The following VEPH1 variants were observed in gnomAD, a reference collection of about 807,000 sequenced individuals.
VEPH1 encodes ventricular zone expressed PH domain containing 1.
Under a neutral mutation model 85.2 loss-of-function variants are expected in VEPH1, and 80 were observed. That is an observed-to-expected ratio of 0.94 (90% CI 0.78 to 1.13). The LOEUF is 1.13. Among genes scored for constraint, VEPH1 ranks in the 50% most tolerant of loss-of-function variants. VEPH1 has a pLI of 0.00. For synonymous variants in VEPH1, 297 were observed against 348.0 expected (o/e 0.85, Z 1.63); for missense variants, 955 against 980.5 (o/e 0.97, Z 0.35).
chr3:157,267,257 G>A lies in VEPH1; in HGVS notation c.2129-1595C>T, dbSNP rs191681693. Among the ~76,000 whole-genome samples, 177 of 151,132 alleles carry A rather than the reference G, an allele frequency of 1.2e-3. 3 individuals are homozygous for A. In the South Asian group the frequency reaches 0.021, roughly 18 times the overall value. Reference sequence around the variant, plus strand: ...ACTACAGGTATTCGCCACCACGCTCGGCTAAATTTTTGTATTTTTAGTAGA... The same window carrying A: ...ACTACAGGTATTCGCCACCACGCTCAGCTAAATTTTTGTATTTTTAGTAGA... On this transcript the variant is annotated intron_variant, in intron 12 of 13. Coordinates refer to ENST00000362010, the MANE Select transcript of VEPH1 (RefSeq NM_001167912.2).
chr3:157,378,187 G>A (rs1272929724), intron 7 of VEPH1, among the ~76,000 whole-genome samples: 1 of 151,838 alleles, frequency 6.6e-6, no homozygotes, highest in African/African-American at 2.4e-5. Flanking sequence ...GCGACTTTGT[G>A]GGTGCATATA....
chr3:157,309,392 C>T (rs1424235910), intron 11 of VEPH1, among the ~76,000 whole-genome samples: 1 of 152,180 alleles, frequency 6.6e-6, no homozygotes, highest in Non-Finnish European at 1.5e-5. Context: ...ATAGTGCTCA[C>T]TCACTTTGTT....
intron 6 of VEPH1, among the ~76,000 whole-genome samples, chr3:157,399,167 C>T (rs1008839987): frequency 2.6e-5 from 4 of 152,022 alleles, no homozygotes; most frequent in Admixed American, 6.6e-5. Context: ...CTATATAGCC[C>T]TTTAATTTTT....
At chr3:157,494,224 A>G (rs1429706123) in intron 2 of VEPH1, among the ~76,000 whole-genome samples, 1 of 152,184 alleles carries the variant, frequency 6.6e-6, no homozygotes, top group Non-Finnish European at 1.5e-5. Context: ...TTTTAAATAT[A>G]TCTTCTTTGT....
At chr3:157,439,475 A>T (rs915488811) in intron 4 of VEPH1, among the ~76,000 whole-genome samples, 1 of 152,214 alleles carries the variant, frequency 6.6e-6, no homozygotes, top group Non-Finnish European at 1.5e-5. Context: ...AGAAAAACCT[A>T]TTAGTTAAAA....
intron 3 of VEPH1, among the ~76,000 whole-genome samples, chr3:157,467,321 G>A (rs1230645675): frequency 1.3e-5 from 2 of 151,922 alleles, no homozygotes; most frequent in African/African-American, 2.4e-5. Flanking sequence ...CTCATTTCTT[G>A]TTGTTTGTTT....
At chr3:157,474,039 A>AT (rs1177188325) in intron 2 of VEPH1, among the ~76,000 whole-genome samples, 1 of 152,034 alleles carries the variant, frequency 6.6e-6, no homozygotes, top group African/African-American at 2.4e-5. Flanking sequence ...TTTCATTTAA[A>AT]TTTTTTTGCG....
intron 6 of VEPH1, 80 bp from the exon 7 acceptor site, chr3:157,381,456 G>T (rs1026206475): frequency 6.9e-7 from 1 of 1,452,750 alleles, no homozygotes; most frequent in Non-Finnish European, 9.5e-7. Flanking sequence ...TGTAATCCCA[G>T]CACTTTGGGA....
chr3:157,462,891 G>A (rs185128081), intron 3 of VEPH1, among the ~76,000 whole-genome samples: 11 of 152,256 alleles, frequency 7.2e-5, no homozygotes, highest in East Asian at 1.9e-4. Flanking sequence ...GGAAGGACAC[G>A]TTACCAAATT....
At chr3:157,351,625 T>A (rs1342913817) in intron 9 of VEPH1, among the ~76,000 whole-genome samples, 22 of 152,196 alleles carry the variant, frequency 1.4e-4, no homozygotes. Flanking sequence ...ACCTTCAATG[T>A]GTTATGAAAC....
intron 7 of VEPH1, among the ~76,000 whole-genome samples, chr3:157,368,476 G>GT (rs59050089): frequency 5.7e-5 from 8 of 140,500 alleles, no homozygotes; most frequent in African/African-American, 1.7e-4. Context: ...TAAACAATAA[G>GT]TTTTTTGTTT....
chr3:157,338,119 G>A (rs79701439), intron 9 of VEPH1, among the ~76,000 whole-genome samples: 33,430 of 152,018 alleles, frequency 0.22, 4,522 homozygotes, highest in Admixed American at 0.42. Context: ...AGATAAAAAT[G>A]AATGTGCAAT....
intron 6 of VEPH1, among the ~76,000 whole-genome samples, chr3:157,397,477 G>T (rs1730491077): frequency 6.6e-6 from 1 of 152,154 alleles, no homozygotes; most frequent in African/African-American, 2.4e-5. Context: ...AATGTTAATG[G>T]TAGTTTAGTG....
intron 11 of VEPH1, among the ~76,000 whole-genome samples, chr3:157,309,442 C>T (rs532354984): frequency 3.3e-5 from 5 of 152,162 alleles, no homozygotes; most frequent in South Asian, 2.1e-4. Flanking sequence ...GTAAGCCAGG[C>T]GATGCTCTAG....
At chr3:157,391,601 G>A (rs73156782) in intron 6 of VEPH1, among the ~76,000 whole-genome samples, 12,859 of 152,244 alleles carry the variant, frequency 0.084, 780 homozygotes, top group African/African-American at 0.17. Flanking sequence ...ATTATGTAAA[G>A]TGACATACCA....
At chr3:157,442,419 G>C in intron 4 of VEPH1, 1 of 1,613,948 alleles carries the variant, frequency 6.2e-7, no homozygotes, top group Non-Finnish European at 8.5e-7. Flanking sequence ...TTTTGGAAGC[G>C]TGCATCCAGT....
intron 11 of VEPH1, among the ~76,000 whole-genome samples, chr3:157,294,707 G>A (rs1335224918): frequency 6.6e-6 from 1 of 152,194 alleles, no homozygotes; most frequent in African/African-American, 2.4e-5. Context: ...TAGTGTATTA[G>A]TTTAGGGCTG....
At chr3:157,353,908 T>C (rs951198) in intron 9 of VEPH1, among the ~76,000 whole-genome samples, 6,437 of 152,184 alleles carry the variant, frequency 0.042, 275 homozygotes, top group South Asian at 0.19. Context: ...TTTTGTAGAA[T>C]GAATGGATGA....
At chr3:157,472,774 G>A (rs188595417) in intron 2 of VEPH1, among the ~76,000 whole-genome samples, 1 of 152,210 alleles carries the variant, frequency 6.6e-6, no homozygotes, top group Non-Finnish European at 1.5e-5. Context: ...CACAGTATTT[G>A]TTTTTCTGTT....
Sources: gnomAD v4.1 joint callset for allele counts (sites outside exome capture counted in the v4.1 genomes callset) on GRCh38, gnomAD v4.1.1 for gene constraint, MANE v1.5 for transcripts, NCBI Gene and HGNC (gene_info 2026-07-23, HGNC 2026-07-21) for gene names.